Variants in FHOD3 observed in about 807,000 individuals in gnomAD.
FHOD3 encodes the protein FH1/FH2 domain-containing protein 3.
Under a neutral mutation model 173.0 loss-of-function variants are expected in FHOD3, and 90 were observed. That is an observed-to-expected ratio of 0.52 (90% CI 0.44 to 0.62). The LOEUF (loss-of-function observed/expected upper bound fraction) is 0.62, where lower values mean the gene tolerates loss of function less well. Among genes scored for constraint, FHOD3 ranks in the 20% least tolerant of loss-of-function variants. The probability of loss-of-function intolerance (pLI) is 0.00; values close to 1 mark genes in which losing one functional copy is unlikely to be tolerated. For synonymous variants in FHOD3, 828 were observed against 823.0 expected (o/e 1.01, Z -0.10); for missense variants, 1,945 against 2,034.7 (o/e 0.96, Z 0.85).
intron 17 of FHOD3, among the ~76,000 whole-genome samples, chr18:36,701,381 G>C (rs1173343170): frequency 6.6e-6 from 1 of 152,122 alleles, no homozygotes; most frequent in Non-Finnish European, 1.5e-5. Context: ...CACCCTATAT[G>C]TTATCAATAT....
chr18:36,340,512 AT>A (rs2045556314), intron 1 of FHOD3, among the ~76,000 whole-genome samples: 1 of 151,028 alleles, frequency 6.6e-6, no homozygotes, highest in Admixed American at 6.6e-5. Flanking sequence ...TTGACCTCTC[AT>A]CACATTTTCC....
At chr18:36,409,656 T>G (rs939807824) in intron 3 of FHOD3, among the ~76,000 whole-genome samples, 1 of 152,124 alleles carries the variant, frequency 6.6e-6, no homozygotes, top group Admixed American at 6.5e-5. Context: ...GTTTAGTGAA[T>G]GAATAAAGAA....
At chr18:36,587,385 A>G (rs549476082) in intron 6 of FHOD3, among the ~76,000 whole-genome samples, 1 of 152,318 alleles carries the variant, frequency 6.6e-6, no homozygotes, top group East Asian at 1.9e-4. Flanking sequence ...GACCTCAGGC[A>G]TCGTATTTCC....
intron 10 of FHOD3, among the ~76,000 whole-genome samples, chr18:36,646,281 A>G (rs1261838536): frequency 6.6e-6 from 1 of 152,150 alleles, no homozygotes; most frequent in Non-Finnish European, 1.5e-5. Flanking sequence ...GAGTTCAATA[A>G]TATGTACAGT....
At position 36,515,386 on chromosome 18, in the gene FHOD3, T is replaced by C. The variant is rs1044688831; in HGVS notation, c.511+2843T>C. Among the ~76,000 whole-genome samples, 6 of 152,056 alleles carry C rather than the reference T, an allele frequency of 3.9e-5. No homozygotes were observed. In the South Asian group the frequency reaches 1.0e-3, roughly 26 times the overall value. On this transcript the variant is annotated intron_variant, in intron 5 of 28. Coordinates refer to ENST00000590592, the MANE Select transcript of FHOD3 (RefSeq NM_001281740.3). ...GCGCCTGCCACCACACCTGCCTAAT[T>C]TTTTTGTATTTTTAGTAGAGATGGG...
chr18:36,574,678 T>C (rs1027887258), intron 5 of FHOD3, among the ~76,000 whole-genome samples: 1 of 152,148 alleles, frequency 6.6e-6, no homozygotes, highest in Non-Finnish European at 1.5e-5. Flanking sequence ...CAATATGTAT[T>C]TCCAACAATT....
rs193009594 is a variant in FHOD3, at chr18:36,487,824, C to G, written c.338-14108C>G. Among the ~76,000 whole-genome samples, 442 of 152,248 alleles carry G rather than the reference C, an allele frequency of 2.9e-3. 3 individuals are homozygous for G. The highest frequency in any genetic ancestry group is 3.7e-3 in the Non-Finnish European group (251 of 68,004). On this transcript the variant is annotated intron_variant, in intron 3 of 28. Coordinates refer to ENST00000590592, the MANE Select transcript of FHOD3 (RefSeq NM_001281740.3). Reference sequence around the variant, plus strand: ...GCACTCTTGGCTTAGCCCTCCTTACCAGAGGACACACAGCCTGGAAATAAA... The same window carrying G: ...GCACTCTTGGCTTAGCCCTCCTTACGAGAGGACACACAGCCTGGAAATAAA...
chr18:36,350,713 C>CT (rs1555678160), intron 1 of FHOD3, among the ~76,000 whole-genome samples: 1 of 152,170 alleles, frequency 6.6e-6, no homozygotes, highest in African/African-American at 2.4e-5. Flanking sequence ...AGGGAGGTGT[C>CT]TGAGTTTTTC....
intron 10 of FHOD3, among the ~76,000 whole-genome samples, chr18:36,649,017 G>A (rs2035869078): frequency 6.6e-6 from 1 of 152,178 alleles, no homozygotes; most frequent in African/African-American, 2.4e-5. Context: ...TGAATTGCAT[G>A]TAGGGGGTGC....
chr18:36,516,487 G>T (rs2055985124), intron 5 of FHOD3, among the ~76,000 whole-genome samples: 1 of 152,186 alleles, frequency 6.6e-6, no homozygotes, highest in Admixed American at 6.5e-5. Context: ...CCTGTGTATA[G>T]TAGCCCAAGG....
intron 3 of FHOD3, among the ~76,000 whole-genome samples, chr18:36,381,700 A>T (rs943779949): frequency 2.0e-5 from 3 of 152,102 alleles, no homozygotes. Flanking sequence ...GGAGACCCCA[A>T]ATTATTTGTT....
chr18:36,564,698 T>C (rs1367932949), intron 5 of FHOD3, among the ~76,000 whole-genome samples: 1 of 152,096 alleles, frequency 6.6e-6, no homozygotes, highest in African/African-American at 2.4e-5. Context: ...GTGTCAGTGT[T>C]TCTGTTTGGA....
chr18:36,672,649 G>A (rs890748078), intron 14 of FHOD3, among the ~76,000 whole-genome samples: 2 of 152,318 alleles, frequency 1.3e-5, no homozygotes, highest in South Asian at 2.1e-4. Flanking sequence ...CCAATCACAC[G>A]TTCAGCCTAG....
intron 3 of FHOD3, among the ~76,000 whole-genome samples, chr18:36,488,760 C>A (rs2054314980): frequency 3.3e-5 from 5 of 152,140 alleles, no homozygotes; most frequent in African/African-American, 9.7e-5. Context: ...GGAATTTCCT[C>A]TGAAATGCAA....
chr18:36,434,147 T>C (rs1488387544), intron 3 of FHOD3, among the ~76,000 whole-genome samples: 1 of 152,240 alleles, frequency 6.6e-6, no homozygotes, highest in East Asian at 1.9e-4. Context: ...TTATGTTTTA[T>C]GTTTGCCTAT....
chr18:36,746,406 G>C (rs990220781), intron 23 of FHOD3, among the ~76,000 whole-genome samples: 1 of 152,180 alleles, frequency 6.6e-6, no homozygotes, highest in African/African-American at 2.4e-5. Context: ...GTGTATGCTA[G>C]TTTCTCCATG....
chr18:36,497,086 A>G (rs2054784336), intron 3 of FHOD3, among the ~76,000 whole-genome samples: 1 of 152,248 alleles, frequency 6.6e-6, no homozygotes, highest in Non-Finnish European at 1.5e-5. Context: ...TGCTTAAAAC[A>G]ATAAAAATCA....
At chr18:36,449,118 G>A (rs894579944) in intron 3 of FHOD3, among the ~76,000 whole-genome samples, 3 of 151,934 alleles carry the variant, frequency 2.0e-5, no homozygotes, top group African/African-American at 7.3e-5. Context: ...CCTAATAGTA[G>A]AGCTTCAGGT....
intron 10 of FHOD3, among the ~76,000 whole-genome samples, chr18:36,648,644 T>TAGTG (rs1344022950): frequency 6.6e-6 from 1 of 152,092 alleles, no homozygotes; most frequent in Non-Finnish European, 1.5e-5. Flanking sequence ...GGTGTCCTTA[T>TAGTG]AGTGAGTCAT....
Sources: allele counts gnomAD v4.1 joint callset (sites outside exome capture counted in the v4.1 genomes callset), GRCh38; gene constraint gnomAD v4.1.1; transcripts MANE v1.5; gene names NCBI Gene and HGNC (gene_info 2026-07-23, HGNC 2026-07-21).